The following UBE2G1 variants were observed in gnomAD, a reference collection of about 807,000 sequenced individuals.
UBE2G1 encodes the protein ubiquitin-conjugating enzyme E2 G1.
UBE2G1 carries 5 observed loss-of-function variants against 22.7 expected under a neutral mutation model. The ratio of observed to expected loss-of-function variants is 0.22; its 90% CI spans 0.12 to 0.46. The LOEUF (loss-of-function observed/expected upper bound fraction) is 0.46. Among genes scored for constraint, UBE2G1 ranks in the 20% least tolerant of loss-of-function variants. The pLI, the probability that UBE2G1 is intolerant of heterozygous loss-of-function variation, is 0.99. For missense variants in UBE2G1, 88 were observed against 203.9 expected (o/e 0.43, Z 3.46); for synonymous variants, 74 against 67.5 (o/e 1.10, Z -0.47).
chr17:4,361,241 T>C (rs1411788838), intron 1 of UBE2G1, among the ~76,000 whole-genome samples: 1 of 146,454 alleles, frequency 6.8e-6, no homozygotes, highest in Non-Finnish European at 1.5e-5. Context: ...AAAAATGCAA[T>C]AGAGGCCAGG....
At chr17:4,345,836 C>T (rs910958924) in intron 1 of UBE2G1, 2 of 152,122 alleles carry the variant, frequency 1.3e-5, no homozygotes, top group African/African-American at 4.8e-5. Context: ...AAAAATAGAA[C>T]AGATTCCAGG....
chr17:4,341,467 C>A (rs1382822754), intron 1 of UBE2G1, among the ~76,000 whole-genome samples: 1 of 152,076 alleles, frequency 6.6e-6, no homozygotes, highest in Non-Finnish European at 1.5e-5. Context: ...ACTCAGATGT[C>A]CTCAAAGACA....
chr17:4,282,782 T>C lies in UBE2G1; in HGVS notation c.*37+16A>G. 1 of 1,527,234 alleles carries C rather than the reference T, an allele frequency of 6.5e-7. No homozygotes were observed. The highest frequency in any genetic ancestry group is 8.9e-7 in the Non-Finnish European group (1 of 1,120,074). 94.6% of individuals were successfully genotyped at this position (1,527,234 alleles called of 1,614,324 possible). ...CTTACAAAAAAACAAAAGTATGATA[T>C]TTAAAATAAACTTACCCTGAAATAA... On this transcript the variant is annotated intron_variant, in intron 5 of 5. Coordinates refer to ENST00000396981, the MANE Select transcript of UBE2G1 (RefSeq NM_003342.5).
chr17:4,324,896 T>C (rs1252137745), intron 1 of UBE2G1, among the ~76,000 whole-genome samples: 1 of 151,984 alleles, frequency 6.6e-6, no homozygotes, highest in African/African-American at 2.4e-5. Flanking sequence ...GCTAACACAG[T>C]GAAACCACGT....
chr17:4,336,126 G>A lies in UBE2G1; in HGVS notation c.47-29003C>T, dbSNP rs568639431. On this transcript the variant is annotated intron_variant, in intron 1 of 5. Transcript: ENST00000396981. ...CATGCCACTGCACTCCAGCCTGGGC[G>A]ACAGAGCTAGACTGTCTCAAAAAGA... 2.6e-5 allele frequency among the ~76,000 whole-genome samples: 4 copies of A among 152,212 alleles called. No individual in the cohort carries two copies. The South Asian group carries it at 8.3e-4, about 32-fold the overall frequency.
In UBE2G1 at chr17:4,269,467, G is replaced by A. The variant is rs1968724522; in HGVS notation, c.*3087C>T. The A allele has an allele frequency of 5.5e-6, 1 of 182,002 alleles. No individual in the cohort carries two copies. The highest frequency in any genetic ancestry group is 4.6e-5 in the Admixed American group (1 of 21,936). The allele number at this position is 182,002 out of a possible 1,614,324, so 11.3% of individuals were successfully genotyped here. On this transcript the variant is annotated 3_prime_UTR_variant, in exon 6 of 6. Coordinates refer to ENST00000396981, the MANE Select transcript of UBE2G1 (RefSeq NM_003342.5). ...TACAAAAAAGGTAATTCCACCAACT[G>A]GAGACCAGACGGGCAAAGATACACA...
At chr17:4,316,835 G>T (rs572673220) in intron 1 of UBE2G1, among the ~76,000 whole-genome samples, 1 of 151,608 alleles carries the variant, frequency 6.6e-6, no homozygotes, top group African/African-American at 2.4e-5. Flanking sequence ...AGCTACTGGG[G>T]ACGCTGAGTC....
intron 1 of UBE2G1, among the ~76,000 whole-genome samples, chr17:4,355,629 T>C (rs1221638745): frequency 1.5e-5 from 2 of 132,074 alleles, no homozygotes; most frequent in African/African-American, 2.9e-5. Context: ...GCAACAAGAG[T>C]GAAACTCCAT....
intron 3 of UBE2G1, among the ~76,000 whole-genome samples, chr17:4,293,243 C>T (rs1348627688): frequency 6.6e-6 from 1 of 152,168 alleles, no homozygotes; most frequent in Non-Finnish European, 1.5e-5. Flanking sequence ...CACTATGTCA[C>T]CTTTTACGAC....
At chr17:4,281,350 T>G (rs1968888789) in intron 5 of UBE2G1, among the ~76,000 whole-genome samples, 2 of 152,116 alleles carry the variant, frequency 1.3e-5, no homozygotes, top group South Asian at 2.1e-4. Flanking sequence ...AACATGCAAA[T>G]TTGGTAAAAT....
rs530780012 is a variant in UBE2G1 at position 4,301,862 on chromosome 17, G to C, written c.150-5048C>G. ...TGGAAGTACGGTAAACATGAACTTC[G>C]TGAGTTGGCTGTATTCTAAGATTGA... On this transcript the variant is annotated intron_variant, in intron 2 of 5. Coordinates refer to ENST00000396981, the MANE Select transcript of UBE2G1 (RefSeq NM_003342.5). The C allele has an allele frequency of 8.0e-6, 4 of 502,282 alleles. 1 individual carries two copies. The highest frequency in any genetic ancestry group is 6.4e-5 in the South Asian group (4 of 62,650). 31.1% of individuals were successfully genotyped at this position (502,282 alleles called of 1,614,324 possible).
At chr17:4,289,098 G>A in intron 4 of UBE2G1, 132 bp downstream of exon 4, 1 of 601,616 alleles carries the variant, frequency 1.7e-6, no homozygotes, top group Non-Finnish European at 2.3e-6. Flanking sequence ...AAGAACTATG[G>A]GAAGAGATAC....
chr17:4,282,271 G>A (rs1221268924), intron 5 of UBE2G1, among the ~76,000 whole-genome samples: 1 of 151,946 alleles, frequency 6.6e-6, no homozygotes, highest in Non-Finnish European at 1.5e-5. Flanking sequence ...TTAGTAGAGG[G>A]GAGGTTTCAC....
Position 4,344,923 on chromosome 17 carries a change from T to TATA in UBE2G1, c.46+21347_46+21348insTAT, listed in dbSNP as rs1969752577. Among the ~76,000 whole-genome samples the TATA allele has an allele frequency of 3.3e-5, 5 of 152,186 alleles. 1 individual carries two copies. The South Asian group carries it at 1.0e-3, about 32-fold the overall frequency. On this transcript the variant is annotated intron_variant, in intron 1 of 5. Transcript: ENST00000396981. ...TTAAGGTATTAAAAAATAAGTATTT[T>TATA]ACCTGCCTTCAGAAATTTCCCACAA...
intron 1 of UBE2G1, among the ~76,000 whole-genome samples, chr17:4,338,273 G>A (rs1388684396): frequency 6.6e-6 from 1 of 151,590 alleles, no homozygotes; most frequent in African/African-American, 2.4e-5. Flanking sequence ...TATGAAATTA[G>A]GGACTGAAAA....
chr17:4,339,928 C>A (rs1381625101), intron 1 of UBE2G1, among the ~76,000 whole-genome samples: 5 of 151,470 alleles, frequency 3.3e-5, no homozygotes, highest in Non-Finnish European at 7.4e-5. Context: ...TTTTTCTTTT[C>A]TTTTCCTTCT....
chr17:4,277,387 T>C (rs1968833340), intron 5 of UBE2G1, among the ~76,000 whole-genome samples: 1 of 152,206 alleles, frequency 6.6e-6, no homozygotes, highest in Non-Finnish European at 1.5e-5. Flanking sequence ...AAAGAACCAA[T>C]ACAGTCCCTC....
chr17:4,303,340 T>C (rs1321810481), intron 2 of UBE2G1, among the ~76,000 whole-genome samples: 2 of 152,188 alleles, frequency 1.3e-5, no homozygotes, highest in Non-Finnish European at 2.9e-5. Flanking sequence ...TCCTTCGAAT[T>C]ATAATTGACA....
At chr17:4,305,517 A>G (rs1177984950) in intron 2 of UBE2G1, among the ~76,000 whole-genome samples, 1 of 152,322 alleles carries the variant, frequency 6.6e-6, no homozygotes, top group Middle Eastern at 3.4e-3. Context: ...CAACACTTTT[A>G]AAAATGTACA....
Sources: allele counts gnomAD v4.1 joint callset (sites outside exome capture counted in the v4.1 genomes callset), GRCh38; gene constraint gnomAD v4.1.1; transcripts MANE v1.5; gene names NCBI Gene and HGNC (gene_info 2026-07-23, HGNC 2026-07-21).